The following ACTR1A variants were observed in gnomAD, a reference collection of about 807,000 sequenced individuals.
The protein encoded by ACTR1A is actin related protein 1A.
A neutral mutation model predicts 50.7 loss-of-function variants in ACTR1A; 10 were observed. The ratio of observed to expected loss-of-function variants is 0.20; its 90% CI spans 0.12 to 0.33. The LOEUF (loss-of-function observed/expected upper bound fraction) is 0.33. Ranked by LOEUF, ACTR1A falls within the 10% of genes least tolerant of loss-of-function variation. The probability of loss-of-function intolerance (pLI) is 1.00; values close to 1 mark genes in which losing one functional copy is unlikely to be tolerated. For synonymous variants in ACTR1A, 177 were observed against 184.2 expected, an observed-to-expected ratio of 0.96 and a Z score of 0.32; for missense variants, 253 against 491.7, an observed-to-expected ratio of 0.51 and a Z score of 4.59.
In ACTR1A at chr10:102,480,857, C is replaced by T. The variant is rs1449468151; in HGVS notation, c.*6G>A. On this transcript the variant is annotated 3_prime_UTR_variant, in exon 11 of 11. Transcript: ENST00000369905. ...TTCAGAGAGAGGTGAAGATGATGTC[C>T]CGACATTAGAAGGTTTTTCTGTGGA... 1 of 1,606,914 alleles carries T rather than the reference C, an allele frequency of 6.2e-7. No individual in the cohort carries two copies. Among genetic ancestry groups the T allele is most frequent in the African/African-American group, 1.3e-5 (1 of 74,878 alleles).
intron 9 of ACTR1A, 143 bp downstream of exon 9, chr10:102,481,694 G>A: frequency 1.1e-6 from 1 of 922,726 alleles, no homozygotes; most frequent in Admixed American, 2.0e-5. Flanking sequence ...CTCAGGGTCA[G>A]TGTACAGGCT....
chr10:102,481,317 CT>C, intron 9 of ACTR1A, 145 bp from the exon 10 acceptor site: 2 of 841,298 alleles, frequency 2.4e-6, no homozygotes, highest in South Asian at 4.6e-5. Flanking sequence ...TGTGGCCAGC[CT>C]GCCACTCATC....
chr10:102,495,166 A>G (rs994726126), intron 1 of ACTR1A, among the ~76,000 whole-genome samples: 1 of 151,890 alleles, frequency 6.6e-6, no homozygotes, highest in Admixed American at 6.6e-5. Context: ...AGTCCTTGCT[A>G]CTTGGGAGGC....
At chr10:102,502,565 C>T in intron 1 of ACTR1A, 35 bp downstream of exon 1, 1 of 1,612,548 alleles carries the variant, frequency 6.2e-7, no homozygotes, top group Non-Finnish European at 8.5e-7. Flanking sequence ...GAGGAGAGCC[C>T]AAGTCCCCTT....
At position 102,479,232 on chromosome 10, in the gene ACTR1A, C is replaced by T. The variant is rs1219212665; in HGVS notation, c.*1631G>A. On this transcript the variant is annotated 3_prime_UTR_variant, in exon 11 of 11. Coordinates refer to ENST00000369905, the MANE Select transcript of ACTR1A (RefSeq NM_005736.4). This position sits in a 1 kb window ranked among gnomAD's most constrained non-coding sequence, Gnocchi z 4.0. ...GACAGACAGATAGAGGCCCAGCTGA[C>T]GTGTCTATCGGAACGACTTTATTTC... 41 of 833,240 alleles carry T rather than the reference C, an allele frequency of 4.9e-5. No individual in the cohort carries two copies. Among genetic ancestry groups the T allele is most frequent in the Non-Finnish European group, 6.4e-5 (37 of 581,778 alleles). The allele number at this position is 833,240 out of a possible 1,614,324, so 51.6% of individuals were successfully genotyped here.
chr10:102,496,303 T>C (rs2062222475), intron 1 of ACTR1A, among the ~76,000 whole-genome samples: 1 of 152,256 alleles, frequency 6.6e-6, no homozygotes. Flanking sequence ...CTCAATTCAA[T>C]GCACCTTTCA....
Position 102,480,892 on chromosome 10 carries a change from C to T in ACTR1A, c.1102G>A (p.Ala368Thr), listed in dbSNP as rs769007392. Residue 368 changes from alanine (A) to threonine (T), a missense_variant, in exon 11 of 11, where the codon GCC becomes ACC. Around this residue, in one of 4 missense-constraint regions of ACTR1A, gnomAD observed 14 missense variants for 16.3 expected, o/e 0.86. Coordinates refer to ENST00000369905, the MANE Select transcript of ACTR1A (RefSeq NM_005736.4). Reference sequence around the variant, plus strand: ...AAGGTTTTTCTGTGGATGGATCGGGCACCGTCTTCCTCATATTCCTTTTTG... The same window carrying T: ...AAGGTTTTTCTGTGGATGGATCGGGTACCGTCTTCCTCATATTCCTTTTTG... ...VSKKEYEEDG[A>T]RSIHRKTF The T allele has an allele frequency of 6.2e-7, 1 of 1,613,916 alleles. No individual in the cohort carries two copies. The highest frequency in any genetic ancestry group is 1.3e-5 in the African/African-American group (1 of 74,924).
Position 102,488,073 on chromosome 10 carries a change from T to TA in ACTR1A, c.315+76_315+77insT, listed in dbSNP as rs1473181474. The TA allele has an allele frequency of 1.3e-6, 2 of 1,531,710 alleles. No individual in the cohort carries two copies. The highest frequency in any genetic ancestry group is 2.7e-5 in the African/African-American group (2 of 73,560). 94.9% of individuals were successfully genotyped at this position (1,531,710 alleles called of 1,614,324 possible). On this transcript the variant is annotated intron_variant, in intron 4 of 10. Transcript: ENST00000369905. This position sits in a 1 kb window ranked among gnomAD's most constrained non-coding sequence, Gnocchi z 4.4. ...GCACTCTTGGCAGTGATCATCGTCC[T>TA]CCTCATCATCTCTAGGGTAGGAGTT... is the stretch of plus-strand genomic sequence containing the variant.
Position 102,502,642 on chromosome 10 carries a change from C to T in ACTR1A, c.6G>A (p.Glu2=). The change falls in exon 1 of 11, where the codon GAG becomes GAA. Residue 2 remains glutamate (E), a synonymous_variant. Transcript: ENST00000369905. M[E]SYDVIANQPV... ...GCTGGTTGGCGATCACATCGTAGGACTCCATGGCAGAGGAATCTCTCCTTC... is the reference window on the plus strand; with the variant it reads ...GCTGGTTGGCGATCACATCGTAGGATTCCATGGCAGAGGAATCTCTCCTTC... 1 of 1,614,260 alleles carries T rather than the reference C, an allele frequency of 6.2e-7. No individual in the cohort carries two copies. Among genetic ancestry groups the T allele is most frequent in the Non-Finnish European group, 8.5e-7 (1 of 1,180,036 alleles).
intron 1 of ACTR1A, among the ~76,000 whole-genome samples, chr10:102,494,967 C>G (rs2062213294): frequency 6.6e-6 from 1 of 152,120 alleles, no homozygotes. Context: ...TGCGCCACCA[C>G]GCCCGGCTAA....
rs891254665 is a variant in ACTR1A, at chr10:102,485,801, G to C, written c.316-68C>G. The C allele has an allele frequency of 3.0e-5, 48 of 1,590,014 alleles. No homozygotes were observed. The African/African-American group carries it at 6.3e-4, about 21-fold the overall frequency. On this transcript the variant is annotated intron_variant, in intron 4 of 10. Coordinates refer to ENST00000369905, the MANE Select transcript of ACTR1A (RefSeq NM_005736.4). ...TTCCATCTTCATTAGTCTTAGGGGA[G>C]AAGACCCTGCCTTGCTGGTTTGAGA...
chr10:102,492,271 G>A (rs1047666914), intron 1 of ACTR1A, among the ~76,000 whole-genome samples: 3 of 151,432 alleles, frequency 2.0e-5, no homozygotes, highest in African/African-American at 7.3e-5. Flanking sequence ...AGGGTTCACC[G>A]TGTTGGTCAG....
intron 1 of ACTR1A, 123 bp downstream of exon 1, chr10:102,502,477 C>T (rs2062262870): frequency 1.9e-6 from 2 of 1,066,212 alleles, no homozygotes; most frequent in Admixed American, 2.0e-5. Flanking sequence ...GCGGCGGTGG[C>T]TGAACGCGCC....
chr10:102,484,010 G>T, intron 6 of ACTR1A, 150 bp downstream of exon 6: 1 of 658,660 alleles, frequency 1.5e-6, no homozygotes, highest in African/African-American at 1.8e-5. Context: ...CTGTCAGTGT[G>T]ACGTAGGGGA....
chr10:102,500,925 G>T (rs1191410467), intron 1 of ACTR1A, among the ~76,000 whole-genome samples: 1 of 151,802 alleles, frequency 6.6e-6, no homozygotes, highest in East Asian at 1.9e-4. Context: ...ACAAAAATTA[G>T]CCAGGGGTGG....
chr10:102,484,153 C>T lies in ACTR1A; in HGVS notation c.657+7G>A, dbSNP rs1482648049. 6.2e-7 allele frequency: 1 copy of T among 1,613,972 alleles called. No homozygotes were observed. Among genetic ancestry groups the T allele is most frequent in the Non-Finnish European group, 8.5e-7 (1 of 1,179,870 alleles). On this transcript the variant is annotated splice_region_variant and intron_variant, in intron 6 of 10. Transcript: ENST00000369905. The stretch of plus-strand genomic sequence containing the variant: ...CTCCATCCCTAGGCCCAGGGGGCAG[C>T]ACTTACTTCTTTTATGGCCTTGACA...
chr10:102,481,050 C>T (rs1421453347), intron 10 of ACTR1A, 82 bp downstream of exon 10: 3 of 1,586,124 alleles, frequency 1.9e-6, no homozygotes, highest in Non-Finnish European at 2.6e-6. Flanking sequence ...CAAACCAAAT[C>T]AGGCTTTTCT....
intron 5 of ACTR1A, 47 bp from the exon 6 acceptor site, chr10:102,484,423 G>T: frequency 6.7e-7 from 1 of 1,488,322 alleles, no homozygotes; most frequent in South Asian, 1.1e-5. Flanking sequence ...TCCTCACGCT[G>T]GGAAGAAATA....
In ACTR1A at chr10:102,480,371, A is replaced by T. The variant is rs1359679376; in HGVS notation, c.*492T>A. 1 of 169,664 alleles carries T rather than the reference A, an allele frequency of 5.9e-6. No homozygotes were observed. The highest frequency in any genetic ancestry group is 2.4e-5 in the African/African-American group (1 of 41,858). 10.5% of individuals were successfully genotyped at this position (169,664 alleles called of 1,614,324 possible). On this transcript the variant is annotated 3_prime_UTR_variant, in exon 11 of 11. Coordinates refer to ENST00000369905, the MANE Select transcript of ACTR1A (RefSeq NM_005736.4). Reference sequence around the variant, plus strand: ...CCCAAACCAAAATGGCAACAAAACCAGACAGAACTCAACCCCAGTCCCAGT... The same window carrying T: ...CCCAAACCAAAATGGCAACAAAACCTGACAGAACTCAACCCCAGTCCCAGT...
Sources: gnomAD v4.1 joint callset for allele counts (sites outside exome capture counted in the v4.1 genomes callset) on GRCh38, gnomAD v4.1.1 for gene constraint, gnomAD v4.1.1 regional missense constraint, Gnocchi (gnomAD v3.1) non-coding constraint, MANE v1.5 for transcripts, NCBI Gene and HGNC (gene_info 2026-07-23, HGNC 2026-07-21) for gene names.